The following TAFA2 variants were observed in gnomAD, a reference collection of about 807,000 sequenced individuals.
TAFA2 encodes chemokine-like protein TAFA-2.
TAFA2 carries 7 observed loss-of-function variants against 18.8 expected under a neutral mutation model. The ratio of observed to expected loss-of-function variants is 0.37; its 90% CI spans 0.21 to 0.70. The LOEUF (loss-of-function observed/expected upper bound fraction) is 0.70, where lower values mean the gene tolerates loss of function less well. TAFA2 is among the 30% of genes least tolerant of loss of function. TAFA2 has a pLI of 0.53. For missense variants in TAFA2, 122 were observed against 158.1 expected, an observed-to-expected ratio of 0.77 and a Z score of 1.23; for synonymous variants, 60 against 54.2, an observed-to-expected ratio of 1.11 and a Z score of -0.47.
intron 4 of TAFA2, among the ~76,000 whole-genome samples, chr12:61,744,927 A>C (rs544975093): frequency 6.6e-6 from 1 of 152,254 alleles, no homozygotes; most frequent in South Asian, 2.1e-4. Context: ...ATCTAATTAA[A>C]GAAAAAGATT....
chr12:61,919,369 G>T (rs1246651021), intron 1 of TAFA2, among the ~76,000 whole-genome samples: 1 of 152,052 alleles, frequency 6.6e-6, no homozygotes, highest in East Asian at 1.9e-4. Flanking sequence ...CCTCTCATAT[G>T]TTACTCTTTT....
At chr12:62,157,569 CTCTA>C (rs1269183165) in intron 1 of TAFA2, among the ~76,000 whole-genome samples, 1 of 152,170 alleles carries the variant, frequency 6.6e-6, no homozygotes, top group East Asian at 1.9e-4. Context: ...CTGGCTCCAC[CTCTA>C]TCTACCTCAC....
chr12:62,130,205 C>G (rs947715420), intron 1 of TAFA2, among the ~76,000 whole-genome samples: 2 of 151,954 alleles, frequency 1.3e-5, no homozygotes, highest in Admixed American at 6.6e-5. Flanking sequence ...ACCATAGTTG[C>G]AGCCTAACAC....
chr12:62,179,195 A>G (rs1231422846), intron 1 of TAFA2, among the ~76,000 whole-genome samples: 4 of 152,232 alleles, frequency 2.6e-5, no homozygotes. Context: ...TGAAACGCTT[A>G]TTAAATGCCT....
At chr12:61,891,285 A>C (rs1238989752) in intron 1 of TAFA2, among the ~76,000 whole-genome samples, 1 of 152,204 alleles carries the variant, frequency 6.6e-6, no homozygotes, top group Non-Finnish European at 1.5e-5. Flanking sequence ...CAGCAGAAGC[A>C]GGAGAAGCAG....
chr12:62,153,058 A>C (rs2062340324), intron 1 of TAFA2, among the ~76,000 whole-genome samples: 1 of 152,214 alleles, frequency 6.6e-6, no homozygotes, highest in Non-Finnish European at 1.5e-5. Flanking sequence ...TAATTTTTTT[A>C]ATGAATGAAT....
intron 1 of TAFA2, among the ~76,000 whole-genome samples, chr12:62,181,095 G>T (rs1466152532): frequency 2.0e-5 from 3 of 152,244 alleles, no homozygotes; most frequent in East Asian, 3.9e-4. Context: ...TTGACCTTTT[G>T]CCTAGAATGT....
intron 2 of TAFA2, among the ~76,000 whole-genome samples, chr12:61,808,314 T>C (rs12311143): frequency 0.048 from 7,281 of 151,516 alleles, 908 homozygotes; most frequent in African/African-American, 0.17. Flanking sequence ...TCTGCCATGA[T>C]TATGAGGCCT....
At chr12:61,775,555 A>G (rs909653614) in intron 2 of TAFA2, among the ~76,000 whole-genome samples, 4 of 151,926 alleles carry the variant, frequency 2.6e-5, no homozygotes, top group Non-Finnish European at 2.9e-5. Flanking sequence ...AAAAGGTTAC[A>G]TACTGTATAA....
At chr12:62,247,041 C>G (rs571756632) in intron 1 of TAFA2, among the ~76,000 whole-genome samples, 1 of 152,118 alleles carries the variant, frequency 6.6e-6, no homozygotes, top group South Asian at 2.1e-4. Flanking sequence ...TATATGTTTT[C>G]TATATGCTAT....
intron 1 of TAFA2, among the ~76,000 whole-genome samples, chr12:62,244,101 T>C (rs1357513176): frequency 1.3e-5 from 2 of 152,000 alleles, no homozygotes; most frequent in African/African-American, 4.8e-5. Context: ...TTTTTTTTTT[T>C]TCTATCAGGA....
chr12:62,122,003 A>G (rs1022506498), intron 1 of TAFA2, among the ~76,000 whole-genome samples: 2 of 152,220 alleles, frequency 1.3e-5, no homozygotes, highest in African/African-American at 4.8e-5. Flanking sequence ...TCTCACTTAT[A>G]AGTGGAAGCT....
At chr12:62,043,578 C>T (rs1390356561) in intron 1 of TAFA2, among the ~76,000 whole-genome samples, 1 of 151,932 alleles carries the variant, frequency 6.6e-6, no homozygotes, top group Non-Finnish European at 1.5e-5. Context: ...CAAACCTGCA[C>T]ATTGTGCACA....
At chr12:62,188,992 A>G (rs1198624391) in intron 1 of TAFA2, among the ~76,000 whole-genome samples, 1 of 152,162 alleles carries the variant, frequency 6.6e-6, no homozygotes, top group African/African-American at 2.4e-5. Flanking sequence ...ATATTTTTCT[A>G]ATGCAATATC....
chr12:61,776,136 G>A (rs1273777718), intron 2 of TAFA2: 1 of 409,862 alleles, frequency 2.4e-6, no homozygotes, highest in Non-Finnish European at 4.7e-6. Flanking sequence ...GCATGCTGTT[G>A]GCATTATTGT....
intron 4 of TAFA2, among the ~76,000 whole-genome samples, chr12:61,752,833 C>G (rs1869082928): frequency 6.6e-6 from 1 of 152,006 alleles, no homozygotes; most frequent in East Asian, 1.9e-4. Context: ...TCAATTTATA[C>G]CATTACTCTG....
intron 1 of TAFA2, among the ~76,000 whole-genome samples, chr12:61,944,205 C>T (rs918249020): frequency 1.4e-5 from 2 of 148,086 alleles, no homozygotes; most frequent in Non-Finnish European, 3.0e-5. Flanking sequence ...TGAATGACTA[C>T]TGGGTACATA....
chr12:62,025,357 T>C (rs1017981324), intron 1 of TAFA2, among the ~76,000 whole-genome samples: 2 of 152,036 alleles, frequency 1.3e-5, no homozygotes, highest in Non-Finnish European at 2.9e-5. Context: ...CTTAGCATCA[T>C]ACAATCTACC....
At chr12:62,125,531 G>A (rs949841432) in intron 1 of TAFA2, among the ~76,000 whole-genome samples, 17 of 152,080 alleles carry the variant, frequency 1.1e-4, no homozygotes, top group African/African-American at 3.9e-4. Flanking sequence ...GTTTAGTTTA[G>A]TTCCCAAATG....
Sources: gnomAD v4.1 joint callset for allele counts (sites outside exome capture counted in the v4.1 genomes callset) on GRCh38, gnomAD v4.1.1 for gene constraint, MANE v1.5 for transcripts, NCBI Gene and HGNC (gene_info 2026-07-23, HGNC 2026-07-21) for gene names.